Variants in MTTP observed in about 807,000 individuals in gnomAD.
MTTP encodes microsomal triglyceride transfer protein large subunit.
A neutral mutation model predicts 90.6 loss-of-function variants in MTTP; 49 were observed. The observed-to-expected ratio is 0.54, with a 90% CI of 0.43 to 0.69. The LOEUF (loss-of-function observed/expected upper bound fraction) is 0.69, where lower values mean the gene tolerates loss of function less well. Among genes scored for constraint, MTTP ranks in the 30% least tolerant of loss-of-function variants. MTTP has a pLI of 0.00. For synonymous variants in MTTP, 347 were observed against 384.2 expected, an observed-to-expected ratio of 0.90 and a Z score of 1.13; for missense variants, 945 against 1,067.5, an observed-to-expected ratio of 0.89 and a Z score of 1.60.
intron 1 of MTTP, chr4:99,564,513 CTT>C (rs1440683870): frequency 8.2e-6 from 3 of 364,326 alleles, no homozygotes; most frequent in Non-Finnish European, 1.5e-5. Flanking sequence ...TAGCTTTACT[CTT>C]TATTCATTCC....
intron 17 of MTTP, among the ~76,000 whole-genome samples, chr4:99,621,569 G>T (rs1333947980): frequency 6.6e-6 from 1 of 152,104 alleles, no homozygotes; most frequent in Non-Finnish European, 1.5e-5. Context: ...TTACTGTCTG[G>T]TATCTTCACA....
chr4:99,612,807 A>C, intron 14 of MTTP, 106 bp from the exon 15 acceptor site: 1 of 1,005,248 alleles, frequency 9.9e-7, no homozygotes, highest in Admixed American at 1.8e-5. Flanking sequence ...CAAATATTTA[A>C]GTTTTTGGCC....
intron 1 of MTTP, among the ~76,000 whole-genome samples, chr4:99,578,156 A>C (rs1725013474): frequency 6.6e-6 from 1 of 152,228 alleles, no homozygotes; most frequent in African/African-American, 2.4e-5. Context: ...CTGACAAAGG[A>C]GTATTTAAAA....
At chr4:99,619,739 GAT>G (rs1225165457) in intron 16 of MTTP, among the ~76,000 whole-genome samples, 3 of 152,154 alleles carry the variant, frequency 2.0e-5, no homozygotes, top group Non-Finnish European at 4.4e-5. Flanking sequence ...GCAAAAGTGA[GAT>G]ATGTGATAAA....
At chr4:99,580,297 C>T (rs889664937) in intron 1 of MTTP, among the ~76,000 whole-genome samples, 3 of 151,298 alleles carry the variant, frequency 2.0e-5, no homozygotes, top group Non-Finnish European at 4.4e-5. Context: ...ATCATATCTC[C>T]AGCCAGACGT....
chr4:99,589,812 T>C lies in MTTP; in HGVS notation c.501+62T>C, dbSNP rs991812. On this transcript the variant is annotated intron_variant, in intron 4 of 17. Coordinates refer to ENST00000265517, the MANE Select transcript of MTTP (RefSeq NM_001386140.1). ...TAAAATTTGTAAGGATTTCTACTTATACAATTTCAGTAGAAGAGTTACTAC... is the reference window on the plus strand; with the variant it reads ...TAAAATTTGTAAGGATTTCTACTTACACAATTTCAGTAGAAGAGTTACTAC... 957 of 1,149,344 alleles carry C rather than the reference T, an allele frequency of 8.3e-4. 8 individuals are homozygous for C. The African/African-American group carries it at 0.012, about 15-fold the overall frequency. 71.2% of individuals were successfully genotyped at this position (1,149,344 alleles called of 1,614,324 possible).
chr4:99,602,791 A>T (rs1725728919), intron 10 of MTTP, among the ~76,000 whole-genome samples: 1 of 152,132 alleles, frequency 6.6e-6, no homozygotes, highest in South Asian at 2.1e-4. Flanking sequence ...TTGGCAAAAG[A>T]TAAAACCCAC....
intron 7 of MTTP, 116 bp downstream of exon 7, chr4:99,594,999 A>G: frequency 4.0e-6 from 5 of 1,261,988 alleles, no homozygotes; most frequent in Non-Finnish European, 5.7e-6. Flanking sequence ...ACCAGCTACC[A>G]CAGAGTTGTG....
At chr4:99,611,891 C>A (rs1417282845) in intron 14 of MTTP, among the ~76,000 whole-genome samples, 1 of 152,038 alleles carries the variant, frequency 6.6e-6, no homozygotes, top group Non-Finnish European at 1.5e-5. Context: ...CATAATAAAA[C>A]CCTTCATAAT....
chr4:99,577,599 C>T, intron 1 of MTTP, among the ~76,000 whole-genome samples: 1 of 82,604 alleles, frequency 1.2e-5, no homozygotes, highest in Non-Finnish European at 2.2e-5. Context: ...GAGCGAAACT[C>T]TGTTTCAAAA....
chr4:99,597,359 A>C (rs1224643240), intron 8 of MTTP, 135 bp downstream of exon 8: 16 of 1,015,746 alleles, frequency 1.6e-5, no homozygotes, highest in Non-Finnish European at 2.2e-5. Flanking sequence ...CTACATTTTC[A>C]TCGAAAAGTT....
At position 99,611,251 on chromosome 4, in the gene MTTP, C is replaced by T; in HGVS notation, c.1867+11C>T. On this transcript the variant is annotated intron_variant, in intron 13 of 17. Transcript: ENST00000265517. ...CTGGCTACATAGAACGTATGTACAC[C>T]AAAAAGAGGTTCTCCTTCCATACCC... 2 of 1,613,260 alleles carry T rather than the reference C, an allele frequency of 1.2e-6. No individual in the cohort carries two copies. Among genetic ancestry groups the T allele is most frequent in the Non-Finnish European group, 1.7e-6 (2 of 1,179,298 alleles).
intron 1 of MTTP, among the ~76,000 whole-genome samples, chr4:99,576,554 G>A (rs1427676333): frequency 6.6e-6 from 1 of 151,218 alleles, no homozygotes; most frequent in African/African-American, 2.4e-5. Context: ...AATTAGCCGG[G>A]CGTAGTGGCG....
chr4:99,590,054 A>G (rs1560617023), intron 4 of MTTP, among the ~76,000 whole-genome samples: 1 of 152,124 alleles, frequency 6.6e-6, no homozygotes, highest in African/African-American at 2.4e-5. Context: ...TAGATTCCCT[A>G]TATTCATCCC....
chr4:99,596,649 C>G (rs1267508265), intron 7 of MTTP, among the ~76,000 whole-genome samples: 1 of 152,076 alleles, frequency 6.6e-6, no homozygotes, highest in Non-Finnish European at 1.5e-5. Flanking sequence ...AATTAGAAAC[C>G]TGATGCAATT....
At position 99,580,574 on chromosome 4, in the gene MTTP, CAAA is replaced by C. The variant is rs563138284; in HGVS notation, c.62-1307_62-1305del. 4.4e-3 allele frequency among the ~76,000 whole-genome samples: 174 copies of C among 39,882 alleles called. 1 individual carries two copies. The highest frequency in any genetic ancestry group is 0.013 in the African/African-American group (159 of 12,364). The allele number at this position is 39,882 out of a possible 152,430, so 26.2% of individuals were successfully genotyped here. On this transcript the variant is annotated intron_variant, in intron 1 of 17. Transcript: ENST00000265517. ...TGGCCGACAGAGTGAGACTCTGTCT[CAAA>C]AAAAAAAAAAAAAAAAAAAAAAAGA...
Position 99,600,686 on chromosome 4 carries a change from T to C in MTTP, c.1189T>C (p.Cys397Arg). The C allele has an allele frequency of 1.2e-6, 2 of 1,613,850 alleles. No individual in the cohort carries two copies. Among genetic ancestry groups the C allele is most frequent in the South Asian group, 1.1e-5 (1 of 91,082 alleles). Residue 397 changes from cysteine to arginine, a missense_variant, in exon 9 of 18, where the codon TGT becomes CGT. Physicochemically the swap from Cys to Arg is radical, Grantham distance 180 (BLOSUM62 -3). Coordinates refer to ENST00000265517, the MANE Select transcript of MTTP (RefSeq NM_001386140.1). ...IILQERFLYA[C>R]GFASHPNEEL... ...CCTCCAGGAGAGGTTTCTCTATGCC[T>C]GTGGATTTGCTTCTCATCCCAATGA...
intron 7 of MTTP, among the ~76,000 whole-genome samples, chr4:99,596,398 G>A (rs1725553106): frequency 6.6e-6 from 1 of 152,076 alleles, no homozygotes; most frequent in Non-Finnish European, 1.5e-5. Flanking sequence ...TGTTGCAAAA[G>A]TAATTGTGGT....
Position 99,594,850 on chromosome 4 carries a change from G to A in MTTP, c.876G>A (p.Gln292=), listed in dbSNP as rs773771588. 6.2e-7 allele frequency: 1 copy of A among 1,614,018 alleles called. No homozygotes were observed. The highest frequency in any genetic ancestry group is 1.7e-5 in the Admixed American group (1 of 60,010). ...SKYTAIPIVG[Q]VFQSHCKGCP... ...ACACGGCCATTCCCATTGTGGGGCA[G>A]GTCTTCCAGAGCCACTGTAAAGGAT... is the stretch of plus-strand genomic sequence containing the variant. Residue 292 remains glutamine (Q), a synonymous_variant, in exon 7 of 18, where the codon CAG becomes CAA. Transcript: ENST00000265517.
Sources: gnomAD v4.1 joint callset for allele counts (sites outside exome capture counted in the v4.1 genomes callset) on GRCh38, gnomAD v4.1.1 for gene constraint, MANE v1.5 for transcripts, NCBI Gene and HGNC (gene_info 2026-07-23, HGNC 2026-07-21) for gene names.